ZC3H7A: variants seen among roughly 807,000 people sequenced by gnomAD.
The protein encoded by ZC3H7A is zinc finger CCCH-type containing 7A, also known as zinc finger CCCH domain-containing protein 7A.
ZC3H7A carries 44 observed loss-of-function variants against 125.5 expected under a neutral mutation model. The ratio of observed to expected loss-of-function variants is 0.35; its 90% CI spans 0.28 to 0.45. ZC3H7A has a LOEUF of 0.45. Among genes scored for constraint, ZC3H7A ranks in the 20% least tolerant of loss-of-function variants. The probability of loss-of-function intolerance (pLI) is 1.00; values close to 1 mark genes in which losing one functional copy is unlikely to be tolerated. For missense variants in ZC3H7A, 977 were observed against 1,170.7 expected (o/e 0.83, Z 2.41); for synonymous variants, 399 against 391.2 (o/e 1.02, Z -0.23).
chr16:11,758,583 G>A (rs781302129), intron 19 of ZC3H7A, 44 bp from the exon 20 acceptor site: 4 of 1,394,750 alleles, frequency 2.9e-6, no homozygotes, highest in East Asian at 4.6e-5. Flanking sequence ...AGTACACCTA[G>A]TAAAACGGCC....
chr16:11,784,543 AC>A (rs2053223869), intron 1 of ZC3H7A, among the ~76,000 whole-genome samples: 2 of 151,606 alleles, frequency 1.3e-5, no homozygotes, highest in Middle Eastern at 3.4e-3. Flanking sequence ...ACACAGGGAG[AC>A]CCCCTATCTC....
At chr16:11,791,850 C>G (rs1374610756) in intron 1 of ZC3H7A, among the ~76,000 whole-genome samples, 1 of 152,184 alleles carries the variant, frequency 6.6e-6, no homozygotes, top group African/African-American at 2.4e-5. Context: ...TATACAATGA[C>G]AAGTTTCACT....
intron 10 of ZC3H7A, 63 bp downstream of exon 10, chr16:11,770,720 A>G: frequency 6.8e-7 from 1 of 1,466,940 alleles, no homozygotes; most frequent in Non-Finnish European, 9.3e-7. Flanking sequence ...ATAATTGCCA[A>G]ACAAACATTT....
At chr16:11,769,710 C>CAAAAAAAAAAAAAAAAAAAAAAAAAAA (rs529124830) in intron 10 of ZC3H7A, among the ~76,000 whole-genome samples, 8 of 32,552 alleles carry the variant, frequency 2.5e-4, no homozygotes, top group Admixed American at 3.9e-4. Context: ...GACTCTGTCT[C>CAAAAAAAAAAAAAAAAAAAAAAAAAAA]AAAAAAAAAA....
intron 20 of ZC3H7A, among the ~76,000 whole-genome samples, chr16:11,757,340 C>T (rs1149422): frequency 1.3e-5 from 2 of 151,696 alleles, no homozygotes; most frequent in Non-Finnish European, 2.9e-5. Context: ...AAAAATTAGC[C>T]GGGTGTGGTG....
At chr16:11,790,079 CAAAAAAAAAAAA>C (rs150579733) in intron 1 of ZC3H7A, among the ~76,000 whole-genome samples, 166 of 73,554 alleles carry the variant, frequency 2.3e-3, no homozygotes, top group Admixed American at 3.6e-3. Context: ...GACTCCATCT[CAAAAAAAAAAAA>C]AAAAAAAAAA....
intron 12 of ZC3H7A, among the ~76,000 whole-genome samples, chr16:11,767,864 C>G (rs1274044562): frequency 1.3e-5 from 2 of 152,140 alleles, no homozygotes; most frequent in Non-Finnish European, 2.9e-5. Context: ...GCTTATAAAT[C>G]AGAATAAACT....
At chr16:11,783,758 A>T (rs1263809559) in intron 1 of ZC3H7A, among the ~76,000 whole-genome samples, 1 of 152,186 alleles carries the variant, frequency 6.6e-6, no homozygotes, top group African/African-American at 2.4e-5. Context: ...ATTGCTTGGC[A>T]TTTACAGTTT....
Position 11,774,380 on chromosome 16 carries a change from G to A in ZC3H7A, c.759C>T (p.Ser253=), listed in dbSNP as rs780518331. The A allele has an allele frequency of 4.3e-5, 69 of 1,613,684 alleles. No homozygotes were observed. Among genetic ancestry groups the A allele is most frequent in the South Asian group, 5.5e-5 (5 of 90,982 alleles). The change falls in exon 9 of 23, where the codon AGC becomes AGT. Residue 253 remains serine, a synonymous_variant. Transcript: ENST00000355758. ...TTGCCAGCACTGCAGATGGCAGAGC[G>A]CTCTCTTCCACTTGTAGTGGCAAAA... ...TSILPLQVEE[S]ALPSAVLANG... is the part of the protein sequence containing the mutation.
intron 4 of ZC3H7A, 70 bp from the exon 5 acceptor site, chr16:11,776,979 A>G (rs1319292519): frequency 2.3e-6 from 3 of 1,320,870 alleles, no homozygotes; most frequent in Non-Finnish European, 2.0e-6. Flanking sequence ...GCCTTCCTGT[A>G]ATAAAAACAA....
chr16:11,763,685 A>G (rs747280747), intron 15 of ZC3H7A, 26 bp from the exon 16 acceptor site: 2 of 1,378,542 alleles, frequency 1.5e-6, no homozygotes, highest in Non-Finnish European at 1.9e-6. Context: ...TGACATTTTA[A>G]TATTGTTCTG....
intron 1 of ZC3H7A, among the ~76,000 whole-genome samples, chr16:11,794,769 T>A (rs1469230809): frequency 6.6e-6 from 1 of 152,176 alleles, no homozygotes; most frequent in Non-Finnish European, 1.5e-5. Flanking sequence ...CCACTTACAA[T>A]GACAATTTAA....
At chr16:11,764,646 T>G (rs916401973) in intron 15 of ZC3H7A, among the ~76,000 whole-genome samples, 8 of 152,070 alleles carry the variant, frequency 5.3e-5, no homozygotes, top group African/African-American at 7.2e-5. Flanking sequence ...CACTTGAATC[T>G]GGGAGGCAGA....
Position 11,773,015 on chromosome 16 carries a change from G to C in ZC3H7A, c.903+1221C>G, listed in dbSNP as rs143221704. On this transcript the variant is annotated intron_variant, in intron 9 of 22. Coordinates refer to ENST00000355758, the MANE Select transcript of ZC3H7A (RefSeq NM_014153.4). ...AGAAAAGGCTTTCTATACAGGGATG[G>C]ACACTAAGTATTTTAGGCTCTGTAG... Among the ~76,000 whole-genome samples the C allele has an allele frequency of 1.3e-4, 20 of 151,876 alleles. No individual in the cohort carries two copies. In the South Asian group the frequency reaches 1.5e-3, roughly 11 times the overall value.
At chr16:11,759,902 C>T (rs917010410) in intron 19 of ZC3H7A, 2 of 152,104 alleles carry the variant, frequency 1.3e-5, no homozygotes, top group African/African-American at 4.8e-5. Context: ...CACTTGAGGT[C>T]AAGAGTCCGA....
chr16:11,794,198 T>C (rs1596410332), intron 1 of ZC3H7A, among the ~76,000 whole-genome samples: 1 of 152,300 alleles, frequency 6.6e-6, no homozygotes, highest in South Asian at 2.1e-4. Flanking sequence ...CGATGAAGTC[T>C]TCCCAACCAA....
At position 11,763,488 on chromosome 16, in the gene ZC3H7A, T is replaced by C. The variant is rs148528396; in HGVS notation, c.1992A>G (p.Gln664=). ...SLVELKVWIM[Q]NETGISHDAI... is the part of the protein sequence containing the mutation. Reference sequence around the variant, plus strand: ...CGCACTCAAACCTACCTGTTTCATTTTGCATTATCCAGACTTTCAGTTCCA... The same window carrying C: ...CGCACTCAAACCTACCTGTTTCATTCTGCATTATCCAGACTTTCAGTTCCA... Residue 664 remains glutamine, a synonymous_variant, in exon 16 of 23, where the codon CAA becomes CAG. Coordinates refer to ENST00000355758, the MANE Select transcript of ZC3H7A (RefSeq NM_014153.4). The C allele has an allele frequency of 4.9e-5, 78 of 1,601,380 alleles. No individual in the cohort carries two copies. The highest frequency in any genetic ancestry group is 6.8e-5 in the East Asian group (3 of 44,258).
chr16:11,757,483 C>CAAA (rs61471026), intron 20 of ZC3H7A, among the ~76,000 whole-genome samples: 41 of 40,956 alleles, frequency 1.0e-3, no homozygotes, highest in African/African-American at 2.4e-3. Flanking sequence ...GACTCTGTCT[C>CAAA]AAAAAAAAAA....
intron 1 of ZC3H7A, among the ~76,000 whole-genome samples, chr16:11,785,225 G>A (rs975480564): frequency 6.6e-6 from 1 of 152,120 alleles, no homozygotes; most frequent in African/African-American, 2.4e-5. Flanking sequence ...TGTAGTCCCA[G>A]CTACTCAGGA....
Sources: gnomAD v4.1 joint callset for allele counts (sites outside exome capture counted in the v4.1 genomes callset) on GRCh38, gnomAD v4.1.1 for gene constraint, MANE v1.5 for transcripts, NCBI Gene and HGNC (gene_info 2026-07-23, HGNC 2026-07-21) for gene names.